Variants in SLC14A1 observed in about 807,000 individuals in gnomAD.
The protein encoded by SLC14A1 is urea transporter 1.
Under a neutral mutation model 39.6 loss-of-function variants are expected in SLC14A1, and 36 were observed. That is an observed-to-expected ratio of 0.91 (90% CI 0.70 to 1.20). The LOEUF is 1.20. Among genes scored for constraint, SLC14A1 ranks in the 50% most tolerant of loss-of-function variants. The pLI is 0.00. For missense variants in SLC14A1, 469 were observed against 478.7 expected (o/e 0.98, Z 0.19); for synonymous variants, 164 against 173.6 (o/e 0.94, Z 0.43).
Position 45,751,786 on chromosome 18 carries a change from A to AAAAT in SLC14A1, c.*1837_*1838insATAA. 1.2e-6 allele frequency: 1 copy of AAAAT among 827,384 alleles called. No individual in the cohort carries two copies. Among genetic ancestry groups the AAAAT allele is most frequent in the South Asian group, 5.9e-5 (1 of 16,808 alleles). The allele number at this position is 827,384 out of a possible 1,614,324, so 51.3% of individuals were successfully genotyped here. A position where few individuals can be genotyped will look rare whatever the true frequency, so the allele number is the denominator to read the frequency against. On this transcript the variant is annotated 3_prime_UTR_variant, in exon 10 of 10. Transcript: ENST00000321925. Reference sequence around the variant, plus strand: ...GACCGAGCAAGACCCTATCTCAAAAAAATTAATTAATTAATTAATTAATTA... The same window carrying AAAAT: ...GACCGAGCAAGACCCTATCTCAAAAAAAATAATTAATTAATTAATTAATTAATTA...
rs948298824 is a variant in SLC14A1 at position 45,739,057 on chromosome 18, G to T, written c.664-106G>T. 48 of 1,156,458 alleles carry T rather than the reference G, an allele frequency of 4.2e-5. No individual in the cohort carries two copies. In the African/African-American group the frequency reaches 7.1e-4, roughly 17 times the overall value. 71.6% of individuals were successfully genotyped at this position (1,156,458 alleles called of 1,614,324 possible). ...GGTATTAACACTGTTCTTGAAAGAG[G>T]TAAGGTATGTCCAATCTAAAATTAC... On this transcript the variant is annotated intron_variant, in intron 6 of 9. Coordinates refer to ENST00000321925, the MANE Select transcript of SLC14A1 (RefSeq NM_015865.7).
intron 2 of SLC14A1, among the ~76,000 whole-genome samples, chr18:45,725,342 A>C (rs548059787): frequency 2.0e-5 from 3 of 152,292 alleles, no homozygotes; most frequent in African/African-American, 7.2e-5. Flanking sequence ...TCTGCTGGAA[A>C]GCTCTTCAGG....
intron 8 of SLC14A1, among the ~76,000 whole-genome samples, chr18:45,743,214 C>T (rs1188830411): frequency 6.6e-6 from 1 of 152,196 alleles, no homozygotes; most frequent in Non-Finnish European, 1.5e-5. Flanking sequence ...TATAAGGATC[C>T]TTGTGATTAC....
intron 6 of SLC14A1, among the ~76,000 whole-genome samples, chr18:45,738,397 T>G (rs886725764): frequency 6.6e-6 from 1 of 152,210 alleles, no homozygotes; most frequent in Non-Finnish European, 1.5e-5. Flanking sequence ...GAATGATCAC[T>G]TGTTAGGTTC....
intron 4 of SLC14A1, among the ~76,000 whole-genome samples, chr18:45,732,704 C>T (rs1159795635): frequency 6.6e-6 from 1 of 152,168 alleles, no homozygotes. Context: ...CTCACCTACT[C>T]ACTTCACCAT....
chr18:45,735,382 A>C (rs941767819), intron 5 of SLC14A1, among the ~76,000 whole-genome samples: 9 of 152,148 alleles, frequency 5.9e-5, no homozygotes. Context: ...TGCTGGGAGA[A>C]CCACTGTGCC....
intron 8 of SLC14A1, 99 bp downstream of exon 8, chr18:45,739,761 G>C: frequency 6.5e-7 from 1 of 1,546,568 alleles, no homozygotes; most frequent in Admixed American, 1.7e-5. Context: ...TCAGGGCCAG[G>C]GTTCTGGCTT....
Position 45,751,695 on chromosome 18 carries a change from G to T in SLC14A1, c.*1744G>T, listed in dbSNP as rs1049121615. ...CTCAGGAGGCTGAGGTGGAAAGATC[G>T]CTTGTGCACAGAAGTTCGAGGCTGC... On this transcript the variant is annotated 3_prime_UTR_variant, in exon 10 of 10. Coordinates refer to ENST00000321925, the MANE Select transcript of SLC14A1 (RefSeq NM_015865.7). 2.4e-6 allele frequency: 1 copy of T among 423,794 alleles called. No homozygotes were observed. Among genetic ancestry groups the T allele is most frequent in the African/African-American group, 2.2e-5 (1 of 46,052 alleles). 26.3% of individuals were successfully genotyped at this position (423,794 alleles called of 1,614,324 possible). A position where few individuals can be genotyped will look rare whatever the true frequency, so the allele number is the denominator to read the frequency against.
chr18:45,733,559 T>G (rs1052600797), intron 4 of SLC14A1, among the ~76,000 whole-genome samples: 1 of 152,248 alleles, frequency 6.6e-6, no homozygotes. Flanking sequence ...CAGTTTCATA[T>G]GCTAAAAGCG....
chr18:45,725,576 G>T (rs1440753026), intron 2 of SLC14A1, among the ~76,000 whole-genome samples: 2 of 152,114 alleles, frequency 1.3e-5, no homozygotes, highest in South Asian at 2.1e-4. Flanking sequence ...TGTGCCCACC[G>T]CATCGCTAAG....
At chr18:45,727,536 G>T in intron 2 of SLC14A1, 2 of 1,223,266 alleles carry the variant, frequency 1.6e-6, no homozygotes. Flanking sequence ...TAAGCCAAAG[G>T]CACAGGGATC....
At chr18:45,737,173 G>C (rs1349255636) in intron 6 of SLC14A1, among the ~76,000 whole-genome samples, 1 of 152,194 alleles carries the variant, frequency 6.6e-6, no homozygotes, top group East Asian at 1.9e-4. Flanking sequence ...ACCCAAACAG[G>C]CTTCATCTCA....
Position 45,739,762 on chromosome 18 carries a change from G to A in SLC14A1, c.946+100G>A, listed in dbSNP as rs558056853. Reference sequence around the variant, plus strand: ...GACTGCATGAAAAATCAGGGCCAGGGTTCTGGCTTGAGCCCACTTGCTGTC... The same window carrying A: ...GACTGCATGAAAAATCAGGGCCAGGATTCTGGCTTGAGCCCACTTGCTGTC... On this transcript the variant is annotated intron_variant, in intron 8 of 9. Transcript: ENST00000321925. 3,481 of 1,536,120 alleles carry A rather than the reference G, an allele frequency of 2.3e-3. 11 individuals are homozygous for A. Among genetic ancestry groups the A allele is most frequent in the Middle Eastern group, 4.3e-3 (19 of 4,402 alleles).
rs780450596 is a variant in SLC14A1, at chr18:45,730,392, A to G, written c.72A>G (p.Pro24=). Residue 24 remains proline, a synonymous_variant, in exon 3 of 10, where the codon CCA becomes CCG. Transcript: ENST00000321925. ...TMVRGENQVS[P]CQGRRCFPKA... ...TTAGGGGTGAAAACCAGGTTTCGCC[A>G]TGTCAAGGGAGAAGGTGCTTCCCCA... 1.2e-6 allele frequency: 2 copies of G among 1,614,206 alleles called. No individual in the cohort carries two copies. Among genetic ancestry groups the G allele is most frequent in the Admixed American group, 1.7e-5 (1 of 60,022 alleles).
chr18:45,736,326 T>C, intron 5 of SLC14A1, 130 bp from the exon 6 acceptor site: 1 of 815,848 alleles, frequency 1.2e-6, no homozygotes. Flanking sequence ...TTTCTTTCTG[T>C]GGCAAATGTG....
intron 2 of SLC14A1, chr18:45,727,059 T>C (rs1185779346): frequency 1.9e-6 from 1 of 537,504 alleles, no homozygotes; most frequent in African/African-American, 1.9e-5. Flanking sequence ...TCAGCTGCTG[T>C]CTTTCTGCCC....
At chr18:45,740,366 A>C (rs2047331509) in intron 8 of SLC14A1, among the ~76,000 whole-genome samples, 2 of 152,152 alleles carry the variant, frequency 1.3e-5, no homozygotes, top group African/African-American at 4.8e-5. Flanking sequence ...AGACTTGTTA[A>C]AACACAAATC....
At chr18:45,727,388 C>T in intron 2 of SLC14A1, 1 of 1,550,106 alleles carries the variant, frequency 6.5e-7, no homozygotes, top group Non-Finnish European at 8.7e-7. Flanking sequence ...CCCGGCTAAG[C>T]TTGGCCCTGG....
At chr18:45,734,695 G>GCGT (rs1382807078) in intron 5 of SLC14A1, among the ~76,000 whole-genome samples, 1 of 152,132 alleles carries the variant, frequency 6.6e-6, no homozygotes, top group Non-Finnish European at 1.5e-5. Flanking sequence ...AGCTATGATT[G>GCGT]CGTCACCGCA....
Sources: allele counts gnomAD v4.1 joint callset (sites outside exome capture counted in the v4.1 genomes callset), GRCh38; gene constraint gnomAD v4.1.1; transcripts MANE v1.5; gene names NCBI Gene and HGNC (gene_info 2026-07-23, HGNC 2026-07-21).